The following WWTR1 variants were observed in gnomAD, a reference collection of about 807,000 sequenced individuals.
The protein encoded by WWTR1 is WW domain-containing transcription regulator protein 1.
A neutral mutation model predicts 40.1 loss-of-function variants in WWTR1; 13 were observed. That is an observed-to-expected ratio of 0.32 (90% CI 0.21 to 0.52). WWTR1 has a LOEUF of 0.52. WWTR1 is among the 20% of genes least tolerant of loss of function. The pLI, the probability that WWTR1 is intolerant of heterozygous loss-of-function variation, is 0.97. For synonymous variants in WWTR1, 230 were observed against 210.1 expected, an observed-to-expected ratio of 1.09 and a Z score of -0.82; for missense variants, 436 against 523.1, an observed-to-expected ratio of 0.83 and a Z score of 1.63.
intron 4 of WWTR1, among the ~76,000 whole-genome samples, chr3:149,536,591 C>CG: frequency 6.6e-6 from 1 of 152,182 alleles, no homozygotes; most frequent in South Asian, 2.1e-4. Flanking sequence ...AGCTGGCCCG[C>CG]CGCGCCTGGT....
chr3:149,581,282 C>G (rs1055947375), intron 2 of WWTR1, among the ~76,000 whole-genome samples: 2 of 152,056 alleles, frequency 1.3e-5, no homozygotes, highest in Admixed American at 6.5e-5. Context: ...AAAAGTCAAG[C>G]TGCCAATGTG....
intron 2 of WWTR1, among the ~76,000 whole-genome samples, chr3:149,646,481 C>T (rs865800776): frequency 6.6e-6 from 1 of 152,320 alleles, no homozygotes; most frequent in Admixed American, 6.5e-5. Context: ...CTCTATCTAG[C>T]TCTTCATAGG....
intron 1 of WWTR1, chr3:149,670,740 A>C (rs967892010): frequency 6.6e-6 from 1 of 152,212 alleles, no homozygotes; most frequent in Non-Finnish European, 1.5e-5. Flanking sequence ...AGATAAAAAA[A>C]AGAAGTCAAT....
At chr3:149,705,165 C>T (rs1281501579), upstream of WWTR1, among the ~76,000 whole-genome samples, 1 of 152,052 alleles carries the variant, frequency 6.6e-6, no homozygotes, top group African/African-American at 2.4e-5. Context: ...GATCAGTCTA[C>T]AAGGTACAAT....
At chr3:149,666,012 G>C (rs1713799882) in intron 2 of WWTR1, among the ~76,000 whole-genome samples, 1 of 152,128 alleles carries the variant, frequency 6.6e-6, no homozygotes, top group Admixed American at 6.5e-5. Flanking sequence ...TTGTGTTCAA[G>C]GGCAGAAGTG....
chr3:149,610,523 A>G (rs967088098), intron 2 of WWTR1, among the ~76,000 whole-genome samples: 1 of 152,230 alleles, frequency 6.6e-6, no homozygotes, highest in Non-Finnish European at 1.5e-5. Flanking sequence ...AACACGGGTA[A>G]ACAGTCTCTC....
chr3:149,560,501 T>G (rs1306855520), intron 3 of WWTR1, among the ~76,000 whole-genome samples: 1 of 152,176 alleles, frequency 6.6e-6, no homozygotes, highest in Non-Finnish European at 1.5e-5. Flanking sequence ...TGGAGAGAAA[T>G]TATAGTTCCA....
At chr3:149,710,733 C>T (rs1715460271) in intron 5 of WWTR1, among the ~76,000 whole-genome samples, 1 of 151,734 alleles carries the variant, frequency 6.6e-6, no homozygotes. Context: ...GTGCACGCCA[C>T]CAGGCCTGGC....
rs397950107 is a variant in WWTR1 at position 149,636,966 on chromosome 3, GAAAAAAAAAAA to G, written c.431+19899_431+19909del. ...GCGACAGAGCAAGACTGTCTCAAGT[GAAAAAAAAAAA>G]AAAAAAAAAAAAAGAGAGAAGTATT... On this transcript the variant is annotated intron_variant, in intron 2 of 6. Coordinates refer to ENST00000360632, the MANE Select transcript of WWTR1 (RefSeq NM_015472.6). Among the ~76,000 whole-genome samples, 188 of 43,326 alleles carry G rather than the reference GAAAAAAAAAAA, an allele frequency of 4.3e-3. 2 individuals carry two copies. In the East Asian group the frequency reaches 0.062, roughly 14 times the overall value. 28.4% of individuals were successfully genotyped at this position (43,326 alleles called of 152,430 possible). A position where few individuals can be genotyped will look rare whatever the true frequency, so the allele number is the denominator to read the frequency against.
At chr3:149,711,380 C>T (rs1443614904) in intron 5 of WWTR1, among the ~76,000 whole-genome samples, 2 of 152,120 alleles carry the variant, frequency 1.3e-5, no homozygotes, top group Non-Finnish European at 2.9e-5. Context: ...TATATGAAAT[C>T]AGTAGTAAAA....
intron 3 of WWTR1, among the ~76,000 whole-genome samples, chr3:149,572,645 C>T (rs903714419): frequency 7.2e-5 from 11 of 151,868 alleles, no homozygotes; most frequent in Admixed American, 2.0e-4. Flanking sequence ...TTATGAGCCC[C>T]GCCACCCCTT....
chr3:149,646,513 AC>A (rs1309447197), intron 2 of WWTR1, among the ~76,000 whole-genome samples: 1 of 152,254 alleles, frequency 6.6e-6, no homozygotes, highest in Non-Finnish European at 1.5e-5. Flanking sequence ...TCAACTGTAC[AC>A]TGGCATCAGT....
At chr3:149,656,394 A>ACTTTTCCAGCTTG (rs1207309088) in intron 2 of WWTR1, among the ~76,000 whole-genome samples, 33 of 152,040 alleles carry the variant, frequency 2.2e-4, no homozygotes, top group Admixed American at 2.0e-4. Context: ...ACCACTGTTC[A>ACTTTTCCAGCTTG]CTTTTCCAGC....
intron 2 of WWTR1, among the ~76,000 whole-genome samples, chr3:149,614,908 G>C (rs537038832): frequency 5.0e-4 from 76 of 152,236 alleles, no homozygotes; most frequent in African/African-American, 1.7e-3. Flanking sequence ...ACTTGAACCA[G>C]GGAGGTGGAG....
intron 6 of WWTR1, among the ~76,000 whole-genome samples, chr3:149,525,170 G>A (rs9289790): frequency 0.57 from 87,286 of 151,960 alleles, 25,739 homozygotes; most frequent in Non-Finnish European, 0.62. Context: ...GGAGGATGTC[G>A]TTACCATGTT....
Position 149,517,424 on chromosome 3 carries a change from T to C in WWTR1, c.*3381A>G, listed in dbSNP as rs1225162809. 1 of 152,244 alleles carries C rather than the reference T, an allele frequency of 6.6e-6. No homozygotes were observed. Among genetic ancestry groups the C allele is most frequent in the Non-Finnish European group, 1.5e-5 (1 of 68,036 alleles). 9.4% of individuals were successfully genotyped at this position (152,244 alleles called of 1,614,324 possible). ...GTAAAATTTTAAAAAGTTAAAGTACTAGCACATATATGTGTTAGGAAAATG... is the reference window on the plus strand; with the variant it reads ...GTAAAATTTTAAAAAGTTAAAGTACCAGCACATATATGTGTTAGGAAAATG... On this transcript the variant is annotated 3_prime_UTR_variant, in exon 7 of 7. Transcript: ENST00000360632.
At chr3:149,580,444 G>C (rs1279913773) in intron 2 of WWTR1, among the ~76,000 whole-genome samples, 1 of 152,058 alleles carries the variant, frequency 6.6e-6, no homozygotes, top group Non-Finnish European at 1.5e-5. Context: ...ATTGCAGTGG[G>C]AGCCCATTGC....
intron 5 of WWTR1, among the ~76,000 whole-genome samples, chr3:149,714,163 C>A (rs920264552): frequency 9.2e-5 from 14 of 152,172 alleles, no homozygotes; most frequent in African/African-American, 3.4e-4. Flanking sequence ...ATGAAGCCAG[C>A]GGGAGCCGGG....
chr3:149,721,329 CA>C (rs1715754097), intron 4 of WWTR1, among the ~76,000 whole-genome samples: 1 of 152,160 alleles, frequency 6.6e-6, no homozygotes, highest in Non-Finnish European at 1.5e-5. Flanking sequence ...TGAATTTTGT[CA>C]AATGCTTTTT....
Sources: allele counts gnomAD v4.1 joint callset (sites outside exome capture counted in the v4.1 genomes callset), GRCh38; gene constraint gnomAD v4.1.1; transcripts MANE v1.5; gene names NCBI Gene and HGNC (gene_info 2026-07-23, HGNC 2026-07-21).